The following CHODL variants were observed in gnomAD, a reference collection of about 807,000 sequenced individuals.
The protein encoded by CHODL is chondrolectin, also known as transmembrane protein MT75.
CHODL carries 29 observed loss-of-function variants against 34.5 expected under a neutral mutation model. That is an observed-to-expected ratio of 0.84 (90% CI 0.63 to 1.15). The LOEUF (loss-of-function observed/expected upper bound fraction) is 1.15. CHODL is among the 50% of genes most tolerant of loss of function. CHODL has a pLI of 0.00. For synonymous variants in CHODL, 125 were observed against 116.1 expected, an observed-to-expected ratio of 1.08 and a Z score of -0.49; for missense variants, 332 against 332.5, an observed-to-expected ratio of 1.00 and a Z score of 0.01.
intron 2 of CHODL, among the ~76,000 whole-genome samples, chr21:18,088,939 G>A (rs182777945): frequency 4.1e-4 from 63 of 152,270 alleles, no homozygotes; most frequent in Admixed American, 4.1e-3. Flanking sequence ...TCGGTTCTCA[G>A]TAAAGTCTGC....
At chr21:18,129,051 A>G (rs1358570837) in intron 2 of CHODL, among the ~76,000 whole-genome samples, 1 of 152,022 alleles carries the variant, frequency 6.6e-6, no homozygotes, top group Admixed American at 6.6e-5. Context: ...TTTGAAATAT[A>G]TTTAATTTTT....
intron 1 of CHODL, among the ~76,000 whole-genome samples, chr21:18,002,158 A>G (rs978509491): frequency 3.9e-5 from 6 of 152,236 alleles, no homozygotes; most frequent in African/African-American, 1.4e-4. Flanking sequence ...AAAACAATAC[A>G]TCATAAACAT....
intron 1 of CHODL, among the ~76,000 whole-genome samples, chr21:17,925,258 A>G (rs2063214009): frequency 6.6e-6 from 1 of 152,244 alleles, no homozygotes; most frequent in South Asian, 2.1e-4. Context: ...TGACCAGTCC[A>G]TAACATGAAA....
intron 1 of CHODL, among the ~76,000 whole-genome samples, chr21:18,024,987 T>C (rs1433190028): frequency 6.6e-6 from 1 of 152,186 alleles, no homozygotes; most frequent in African/African-American, 2.4e-5. Flanking sequence ...TTATACCTGC[T>C]TGACCTAGCC....
intron 2 of CHODL, among the ~76,000 whole-genome samples, chr21:18,110,072 G>A (rs947274307): frequency 7.2e-5 from 11 of 152,132 alleles, no homozygotes; most frequent in African/African-American, 2.2e-4. Context: ...TGGGCACCGG[G>A]GATGCTGTGC....
chr21:18,248,796 G>A (rs2074188460), intron 1 of CHODL, among the ~76,000 whole-genome samples: 2 of 117,858 alleles, frequency 1.7e-5, no homozygotes, highest in African/African-American at 7.3e-5. Context: ...ATATGTATAT[G>A]TGTGTATATA....
At chr21:18,115,971 C>T (rs2065407729) in intron 2 of CHODL, among the ~76,000 whole-genome samples, 1 of 151,928 alleles carries the variant, frequency 6.6e-6, no homozygotes. Context: ...TAATTACTGC[C>T]TTTTTTGTTG....
rs201719267 is a variant in CHODL, at chr21:17,920,609, AGTT to A, written c.-145+3215_-145+3217del. On this transcript the variant is annotated intron_variant, in intron 1 of 6. Coordinates refer to the CHODL transcript ENST00000400127. ...AACCATATCATATACTAAACTCACA[AGTT>A]GTTGTAAGGATTAAACAAGAAAATA... Among the ~76,000 whole-genome samples the A allele has an allele frequency of 4.8e-3, 738 of 152,334 alleles. 4 individuals carry two copies. Among genetic ancestry groups the A allele is most frequent in the African/African-American group, 0.016 (684 of 41,574 alleles).
At chr21:18,158,322 C>T (rs998120502) in intron 2 of CHODL, among the ~76,000 whole-genome samples, 3 of 152,082 alleles carry the variant, frequency 2.0e-5, no homozygotes, top group Admixed American at 2.0e-4. Context: ...CCCCTTTTAG[C>T]ATCTGCCTGA....
chr21:18,156,177 G>A (rs551197924), intron 2 of CHODL, among the ~76,000 whole-genome samples: 2 of 152,120 alleles, frequency 1.3e-5, no homozygotes, highest in South Asian at 2.1e-4. Context: ...AATTTTGCAC[G>A]GGTAAAAAGA....
At chr21:18,086,909 G>A (rs1298612138) in intron 2 of CHODL, among the ~76,000 whole-genome samples, 3 of 152,198 alleles carry the variant, frequency 2.0e-5, no homozygotes, top group African/African-American at 7.2e-5. Context: ...CCCTTGGGCA[G>A]CTGGTGTCAT....
intron 2 of CHODL, among the ~76,000 whole-genome samples, chr21:18,215,820 A>G (rs536217143): frequency 6.6e-6 from 1 of 152,144 alleles, no homozygotes; most frequent in Non-Finnish European, 1.5e-5. Context: ...CGCTACTTCT[A>G]TCTATGAGTT....
intron 2 of CHODL, among the ~76,000 whole-genome samples, chr21:18,089,116 C>G (rs547203384): frequency 6.6e-6 from 1 of 152,298 alleles, no homozygotes; most frequent in South Asian, 2.1e-4. Flanking sequence ...CCTTTCAAAA[C>G]ATAACCCTAA....
At chr21:18,088,029 T>C (rs1192509157) in intron 2 of CHODL, among the ~76,000 whole-genome samples, 1 of 151,914 alleles carries the variant, frequency 6.6e-6, no homozygotes. Context: ...TTAAACCAGA[T>C]CTTATGAGAA....
intron 2 of CHODL, among the ~76,000 whole-genome samples, chr21:18,058,950 G>A (rs1250610667): frequency 1.3e-5 from 2 of 152,018 alleles, no homozygotes; most frequent in African/African-American, 4.8e-5. Context: ...TTTAATTAGC[G>A]CCTATATGAA....
rs182961407 is a variant in CHODL, at chr21:17,983,346, C to T, written c.-144-44526C>T. Among the ~76,000 whole-genome samples, 256 of 152,178 alleles carry T rather than the reference C, an allele frequency of 1.7e-3. 1 individual carries two copies. The highest frequency in any genetic ancestry group is 4.0e-3 in the Admixed American group (61 of 15,278). ...ATTTGTAGATGTTTTGAAAAATATCCTCATACATACATCTTGTGACCTTGG... is the reference window on the plus strand; with the variant it reads ...ATTTGTAGATGTTTTGAAAAATATCTTCATACATACATCTTGTGACCTTGG... On this transcript the variant is annotated intron_variant, in intron 1 of 6. Coordinates refer to the CHODL transcript ENST00000400127.
At chr21:18,157,588 G>A (rs1201985741) in intron 2 of CHODL, among the ~76,000 whole-genome samples, 1 of 152,162 alleles carries the variant, frequency 6.6e-6, no homozygotes, top group Non-Finnish European at 1.5e-5. Context: ...ATGCCTTTAG[G>A]CAGATGTTCT....
At chr21:18,265,869 G>A (rs2074453715) in intron 5 of CHODL, 85 bp from the exon 6 acceptor site, 1 of 1,068,508 alleles carries the variant, frequency 9.4e-7, no homozygotes. Context: ...ATAAATAACT[G>A]TCTGAGATAT....
chr21:18,205,615 A>C (rs1007521608), intron 2 of CHODL, among the ~76,000 whole-genome samples: 1 of 152,076 alleles, frequency 6.6e-6, no homozygotes, highest in Non-Finnish European at 1.5e-5. Flanking sequence ...ACTTTCCTCT[A>C]AGTACTGATT....
Sources: allele counts gnomAD v4.1 joint callset (sites outside exome capture counted in the v4.1 genomes callset), GRCh38; gene constraint gnomAD v4.1.1; transcripts MANE v1.5; gene names NCBI Gene and HGNC (gene_info 2026-07-23, HGNC 2026-07-21).